Variants in PARVA observed in about 807,000 individuals in gnomAD.
PARVA encodes the protein parvin alpha, also known as alpha-parvin.
In PARVA, 25 loss-of-function variants were observed where a neutral mutation model predicts 52.6. That is an observed-to-expected ratio of 0.48 (90% CI 0.35 to 0.66). PARVA has a LOEUF of 0.66. PARVA is among the 30% of genes least tolerant of loss of function. The pLI, the probability that PARVA is intolerant of heterozygous loss-of-function variation, is 0.01. For synonymous variants in PARVA, 185 were observed against 179.1 expected, an observed-to-expected ratio of 1.03 and a Z score of -0.26; for missense variants, 373 against 450.9, an observed-to-expected ratio of 0.83 and a Z score of 1.56.
At chr11:12,482,932 T>C (rs1941107817) in intron 4 of PARVA, among the ~76,000 whole-genome samples, 4 of 151,994 alleles carry the variant, frequency 2.6e-5, no homozygotes, top group African/African-American at 7.2e-5. Flanking sequence ...TGGCAGAGAG[T>C]TGTATATGTT....
chr11:12,480,223 C>CAAAAAAAA (rs35713190), intron 4 of PARVA: 1 of 121,500 alleles, frequency 8.2e-6, no homozygotes. Context: ...GACTCCCTCT[C>CAAAAAAAA]AAAAAAAAAA....
At chr11:12,496,162 A>G (rs934678684) in intron 4 of PARVA, among the ~76,000 whole-genome samples, 3 of 152,230 alleles carry the variant, frequency 2.0e-5, no homozygotes, top group Non-Finnish European at 4.4e-5. Flanking sequence ...AATTGAAAAG[A>G]AGGAGAAAAC....
At chr11:12,425,316 A>G (rs1216767463) in intron 1 of PARVA, among the ~76,000 whole-genome samples, 2 of 152,220 alleles carry the variant, frequency 1.3e-5, no homozygotes, top group East Asian at 3.8e-4. Context: ...GATAAGACGA[A>G]CACAGTTTTG....
chr11:12,438,117 G>A (rs556985323), intron 1 of PARVA, among the ~76,000 whole-genome samples: 114 of 152,126 alleles, frequency 7.5e-4, no homozygotes, highest in African/African-American at 2.7e-3. Context: ...AAAATTAGCC[G>A]GGCATGGTGG....
chr11:12,513,900 C>A, intron 9 of PARVA, 97 bp from the exon 10 acceptor site: 1 of 1,100,442 alleles, frequency 9.1e-7, no homozygotes, highest in Non-Finnish European at 1.4e-6. Flanking sequence ...CCTCTGCTTT[C>A]ACCCTCACCC....
chr11:12,468,943 T>G (rs187583315), intron 1 of PARVA, among the ~76,000 whole-genome samples: 1 of 152,314 alleles, frequency 6.6e-6, no homozygotes, highest in East Asian at 1.9e-4. Flanking sequence ...TGATGATGCT[T>G]GAGCCAACCA....
chr11:12,522,816 TAAC>T (rs1420347560), intron 12 of PARVA, among the ~76,000 whole-genome samples: 1 of 149,050 alleles, frequency 6.7e-6, no homozygotes, highest in Admixed American at 6.7e-5. Context: ...ACAGCTCATG[TAAC>T]AACATAGATG....
chr11:12,506,676 C>T (rs1354033973), intron 6 of PARVA, among the ~76,000 whole-genome samples: 3 of 152,200 alleles, frequency 2.0e-5, no homozygotes, highest in Non-Finnish European at 4.4e-5. Context: ...GAAAAGAGGA[C>T]ATGTTCCATA....
chr11:12,518,741 G>A (rs1176081457), intron 12 of PARVA, among the ~76,000 whole-genome samples: 4 of 152,200 alleles, frequency 2.6e-5, no homozygotes, highest in Non-Finnish European at 5.9e-5. Flanking sequence ...GCGTGGGATC[G>A]CGGGGATCAG....
At chr11:12,504,062 A>G (rs1046359338) in intron 5 of PARVA, among the ~76,000 whole-genome samples, 1 of 152,156 alleles carries the variant, frequency 6.6e-6, no homozygotes, top group African/African-American at 2.4e-5. Context: ...ACCAGATCAC[A>G]TGTGAGAGCT....
intron 1 of PARVA, among the ~76,000 whole-genome samples, chr11:12,423,109 C>G (rs1940176405): frequency 6.6e-6 from 1 of 152,116 alleles, no homozygotes; most frequent in Non-Finnish European, 1.5e-5. Context: ...CCACCTTGGC[C>G]TCTCAAAGTG....
Position 12,381,757 on chromosome 11 carries a change from A to T in PARVA, c.136+3974A>T, listed in dbSNP as rs535734255. Reference sequence around the variant, plus strand: ...TAAGGAAGAGAAAATACGTTTGCAAAACTGTGCTGCATTACTGATACTGTA... The same window carrying T: ...TAAGGAAGAGAAAATACGTTTGCAATACTGTGCTGCATTACTGATACTGTA... On this transcript the variant is annotated intron_variant, in intron 1 of 12. Coordinates refer to ENST00000334956, the MANE Select transcript of PARVA (RefSeq NM_018222.5). Among the ~76,000 whole-genome samples, 8 of 152,332 alleles carry T rather than the reference A, an allele frequency of 5.3e-5. No individual in the cohort carries two copies. In the East Asian group the frequency reaches 1.5e-3, roughly 29 times the overall value.
At chr11:12,480,917 G>C (rs1564858220) in intron 4 of PARVA, 1 of 151,776 alleles carries the variant, frequency 6.6e-6, no homozygotes, top group East Asian at 1.9e-4. Context: ...TAACGACCCT[G>C]TGAGTATAAA....
chr11:12,445,524 G>A (rs1235357414), intron 1 of PARVA, among the ~76,000 whole-genome samples: 1 of 146,814 alleles, frequency 6.8e-6, no homozygotes, highest in East Asian at 2.0e-4. Flanking sequence ...ACATGGAGAG[G>A]GGAACAAGGT....
intron 1 of PARVA, among the ~76,000 whole-genome samples, chr11:12,470,472 T>G (rs1397271698): frequency 6.6e-6 from 1 of 152,158 alleles, no homozygotes; most frequent in African/African-American, 2.4e-5. Flanking sequence ...GTTGATGAAC[T>G]TGCCCAAGGC....
chr11:12,513,273 C>A (rs1941525585), intron 8 of PARVA, 26 bp from the exon 9 acceptor site: 14 of 1,611,278 alleles, frequency 8.7e-6, no homozygotes, highest in Non-Finnish European at 1.2e-5. Flanking sequence ...CTCTTGTGCT[C>A]CACATTGTGT....
At chr11:12,521,621 CA>C (rs1941637556) in intron 12 of PARVA, among the ~76,000 whole-genome samples, 1 of 152,150 alleles carries the variant, frequency 6.6e-6, no homozygotes, top group Non-Finnish European at 1.5e-5. Context: ...TCTTACATGG[CA>C]AAAGGGACTT....
chr11:12,392,224 C>T (rs1430023510), intron 1 of PARVA, among the ~76,000 whole-genome samples: 1 of 150,572 alleles, frequency 6.6e-6, no homozygotes, highest in Non-Finnish European at 1.5e-5. Flanking sequence ...ATAATATTTT[C>T]AAGGTTTCAT....
At chr11:12,397,430 A>C (rs1179851043) in intron 1 of PARVA, among the ~76,000 whole-genome samples, 1 of 152,198 alleles carries the variant, frequency 6.6e-6, no homozygotes, top group East Asian at 1.9e-4. Context: ...ACAACATTCT[A>C]TGCCAGTTTG....
Sources: allele counts gnomAD v4.1 joint callset (sites outside exome capture counted in the v4.1 genomes callset), GRCh38; gene constraint gnomAD v4.1.1; transcripts MANE v1.5; gene names NCBI Gene and HGNC (gene_info 2026-07-23, HGNC 2026-07-21).